Variants in FAM83F observed in about 807,000 individuals in gnomAD.
The protein encoded by FAM83F is protein FAM83F.
Under a neutral mutation model 42.9 loss-of-function variants are expected in FAM83F, and 45 were observed. The observed-to-expected ratio is 1.05, with a 90% CI of 0.83 to 1.35. The LOEUF is 1.35. FAM83F is among the 40% of genes most tolerant of loss of function. The pLI, the probability that FAM83F is intolerant of heterozygous loss-of-function variation, is 0.00. For synonymous variants in FAM83F, 306 were observed against 298.3 expected (o/e 1.03, Z -0.27); for missense variants, 617 against 695.9 (o/e 0.89, Z 1.28).
At chr22:39,998,426 G>A (rs901740450) in intron 1 of FAM83F, among the ~76,000 whole-genome samples, 2 of 151,972 alleles carry the variant, frequency 1.3e-5, no homozygotes, top group Non-Finnish European at 2.9e-5. Flanking sequence ...CGTGGCTGCC[G>A]TGCCTACAGT....
intron 1 of FAM83F, among the ~76,000 whole-genome samples, chr22:40,003,300 C>G (rs190183226): frequency 2.7e-4 from 41 of 152,296 alleles, no homozygotes; most frequent in African/African-American, 8.2e-4. Flanking sequence ...GACTTACGCC[C>G]CTCCCTGACA....
chr22:39,998,239 G>A (rs1238123983), intron 1 of FAM83F, among the ~76,000 whole-genome samples: 1 of 152,190 alleles, frequency 6.6e-6, no homozygotes, highest in Non-Finnish European at 1.5e-5. Flanking sequence ...GACTGAGATG[G>A]TTTACATGCA....
rs534574011 is a variant in FAM83F, at chr22:40,040,152, G to A, written c.*10587G>A. On this transcript the variant is annotated 3_prime_UTR_variant, in exon 5 of 5. Coordinates refer to ENST00000333407, the MANE Select transcript of FAM83F (RefSeq NM_138435.4). ...GTTTATAGGGGGTAAAGAGGATGGG[G>A]CTGAGATACTAAAGACTACGAGGAC... 1.3e-5 allele frequency: 2 copies of A among 152,310 alleles called. No homozygotes were observed. Among genetic ancestry groups the A allele is most frequent in the East Asian group, 1.9e-4 (1 of 5,192 alleles). 9.4% of individuals were successfully genotyped at this position (152,310 alleles called of 1,614,324 possible). A position where few individuals can be genotyped will look rare whatever the true frequency, so the allele number is the denominator to read the frequency against.
At chr22:40,028,281 C>A (rs1170108493) in intron 4 of FAM83F, among the ~76,000 whole-genome samples, 1 of 152,226 alleles carries the variant, frequency 6.6e-6, no homozygotes, top group African/African-American at 2.4e-5. Flanking sequence ...GTGCAGTGGG[C>A]AGGAGCAGCA....
intron 1 of FAM83F, among the ~76,000 whole-genome samples, chr22:40,006,372 A>G (rs1156684134): frequency 6.6e-6 from 1 of 152,202 alleles, no homozygotes; most frequent in African/African-American, 2.4e-5. Flanking sequence ...GTTTAGATCG[A>G]TGGCAGGGCT....
At position 39,995,621 on chromosome 22, in the gene FAM83F, G is replaced by A; in HGVS notation, c.489+90G>A. The A allele has an allele frequency of 7.0e-7, 1 of 1,437,560 alleles. No individual in the cohort carries two copies. Among genetic ancestry groups the A allele is most frequent in the Non-Finnish European group, 9.1e-7 (1 of 1,096,904 alleles). 89.1% of individuals were successfully genotyped at this position (1,437,560 alleles called of 1,614,324 possible). On this transcript the variant is annotated intron_variant, in intron 1 of 4. Coordinates refer to ENST00000333407, the MANE Select transcript of FAM83F (RefSeq NM_138435.4). This position sits in a 1 kb window ranked among gnomAD's most constrained non-coding sequence, Gnocchi z 4.6. The stretch of plus-strand genomic sequence containing the variant: ...ACCTCCCAGGCAGGGCCCGGGGCAG[G>A]CCGCCCTGAGCACCCTCTGGAAAAT...
rs138631319 is a variant in FAM83F at position 40,031,253 on chromosome 22, G to T, written c.*1688G>T. 1.3e-5 allele frequency: 2 copies of T among 151,838 alleles called. No homozygotes were observed. The highest frequency in any genetic ancestry group is 6.6e-5 in the Admixed American group (1 of 15,248). 9.4% of individuals were successfully genotyped at this position (151,838 alleles called of 1,614,324 possible). A position where few individuals can be genotyped will look rare whatever the true frequency, so the allele number is the denominator to read the frequency against. On this transcript the variant is annotated 3_prime_UTR_variant, in exon 5 of 5. Transcript: ENST00000333407. Reference sequence around the variant, plus strand: ...TCTGGAGGGGAGGGAAGGGAGAGAGGGGGGAGGTGGGATGTGGGGGTGTTA... The same window carrying T: ...TCTGGAGGGGAGGGAAGGGAGAGAGTGGGGAGGTGGGATGTGGGGGTGTTA...
rs2146247077 is a variant in FAM83F at position 40,030,226 on chromosome 22, A to G, written c.*661A>G. The G allele has an allele frequency of 6.6e-6, 1 of 152,054 alleles. No individual in the cohort carries two copies. Among genetic ancestry groups the G allele is most frequent in the South Asian group, 2.1e-4 (1 of 4,782 alleles). 9.4% of individuals were successfully genotyped at this position (152,054 alleles called of 1,614,324 possible). Reference sequence around the variant, plus strand: ...CAGAATTTGACACTGCTTTTCTGAGAGCGCTCGCACTGAGGTCTCTTTTTC... The same window carrying G: ...CAGAATTTGACACTGCTTTTCTGAGGGCGCTCGCACTGAGGTCTCTTTTTC... On this transcript the variant is annotated 3_prime_UTR_variant, in exon 5 of 5. Transcript: ENST00000333407.
rs2067640938 is a variant in FAM83F, at chr22:40,039,207, A to T, written c.*9642A>T. On this transcript the variant is annotated 3_prime_UTR_variant, in exon 5 of 5. Coordinates refer to ENST00000333407, the MANE Select transcript of FAM83F (RefSeq NM_138435.4). ...CTGCAACCTCCACCTCCCAGGTTGA[A>T]GCAGTTCTCCTGCCTCAGCCTCCTG... 1 of 152,252 alleles carries T rather than the reference A, an allele frequency of 6.6e-6. No individual in the cohort carries two copies. The highest frequency in any genetic ancestry group is 1.5e-5 in the Non-Finnish European group (1 of 68,130). 9.4% of individuals were successfully genotyped at this position (152,252 alleles called of 1,614,324 possible). A position where few individuals can be genotyped will look rare whatever the true frequency, so the allele number is the denominator to read the frequency against.
intron 1 of FAM83F, among the ~76,000 whole-genome samples, chr22:40,000,241 G>T (rs9623102): frequency 0.018 from 2,751 of 152,238 alleles, 80 homozygotes; most frequent in African/African-American, 0.062. Flanking sequence ...CTCTAAATTG[G>T]GGATATGGGG....
In FAM83F at chr22:40,041,840, T is replaced by G. The variant is rs1384634432; in HGVS notation, c.*12275T>G. 1 of 152,214 alleles carries G rather than the reference T, an allele frequency of 6.6e-6. No individual in the cohort carries two copies. The highest frequency in any genetic ancestry group is 1.9e-4 in the East Asian group (1 of 5,206). 9.4% of individuals were successfully genotyped at this position (152,214 alleles called of 1,614,324 possible). On this transcript the variant is annotated 3_prime_UTR_variant, in exon 5 of 5. Coordinates refer to ENST00000333407, the MANE Select transcript of FAM83F (RefSeq NM_138435.4). ...GTCTGAAATACAGAATATTAAATAT[T>G]GAGTTAATATTATATTTACTCAATG...
At chr22:40,006,768 G>A (rs1248958412) in intron 1 of FAM83F, among the ~76,000 whole-genome samples, 1 of 152,172 alleles carries the variant, frequency 6.6e-6, no homozygotes, top group Non-Finnish European at 1.5e-5. Flanking sequence ...GTCCGGAGCC[G>A]CTGAGTGGGC....
rs939604882 is a variant in FAM83F, at chr22:40,022,057, G to A, written c.1453+94G>A. ...CCAGGAGCACTGCCTCATACCTGCA[G>A]AGGAGTAGATTCCATCTGTGGGCAC... On this transcript the variant is annotated intron_variant, in intron 4 of 4. Transcript: ENST00000333407. 2.4e-5 allele frequency: 27 copies of A among 1,123,930 alleles called. No individual in the cohort carries two copies. The African/African-American group carries it at 4.1e-4, about 17-fold the overall frequency. The allele number at this position is 1,123,930 out of a possible 1,614,324, so 69.6% of individuals were successfully genotyped here. A position where few individuals can be genotyped will look rare whatever the true frequency, so the allele number is the denominator to read the frequency against.
At position 40,039,771 on chromosome 22, in the gene FAM83F, T is replaced by A. The variant is rs1321425570; in HGVS notation, c.*10206T>A. The stretch of plus-strand genomic sequence containing the variant: ...TAGAGGTAGGAGGAAAGCTGGCTAT[T>A]TGGGGAAGCAAAGAAAAGATTCTCA... On this transcript the variant is annotated 3_prime_UTR_variant, in exon 5 of 5. Coordinates refer to ENST00000333407, the MANE Select transcript of FAM83F (RefSeq NM_138435.4). The A allele has an allele frequency of 6.6e-6, 1 of 152,214 alleles. No homozygotes were observed. Among genetic ancestry groups the A allele is most frequent in the Non-Finnish European group, 1.5e-5 (1 of 68,046 alleles). 9.4% of individuals were successfully genotyped at this position (152,214 alleles called of 1,614,324 possible).
At chr22:40,029,080 CGTGTGTGT>C (rs55770640) in intron 4 of FAM83F, among the ~76,000 whole-genome samples, 25,495 of 130,340 alleles carry the variant, frequency 0.2, 2,566 homozygotes, top group Non-Finnish European at 0.24. Context: ...CTTGGCTAGA[CGTGTGTGT>C]GTGTGTGTGT....
Position 40,034,697 on chromosome 22 carries a change from C to T in FAM83F, c.*5132C>T, listed in dbSNP as rs1031035033. ...GTTAAATGATTGAAGACTTGACTGC[C>T]ATTCAGTACAGAGAATTAGCCAGGT... is the stretch of plus-strand genomic sequence containing the variant. On this transcript the variant is annotated 3_prime_UTR_variant, in exon 5 of 5. Coordinates refer to ENST00000333407, the MANE Select transcript of FAM83F (RefSeq NM_138435.4). The T allele has an allele frequency of 6.6e-6, 1 of 152,218 alleles. No homozygotes were observed. Among genetic ancestry groups the T allele is most frequent in the Non-Finnish European group, 1.5e-5 (1 of 68,038 alleles). 9.4% of individuals were successfully genotyped at this position (152,218 alleles called of 1,614,324 possible).
At position 40,031,473 on chromosome 22, in the gene FAM83F, C is replaced by A. The variant is rs1346959001; in HGVS notation, c.*1908C>A. 2 of 152,244 alleles carry A rather than the reference C, an allele frequency of 1.3e-5. No homozygotes were observed. The highest frequency in any genetic ancestry group is 2.9e-5 in the Non-Finnish European group (2 of 68,068). The allele number at this position is 152,244 out of a possible 1,614,324, so 9.4% of individuals were successfully genotyped here. ...TCCCCTGCCAGAAGAGCAGGCCCTG[C>A]TTTGTCCCTTTACCTCCTCTAGGCC... On this transcript the variant is annotated 3_prime_UTR_variant, in exon 5 of 5. Coordinates refer to ENST00000333407, the MANE Select transcript of FAM83F (RefSeq NM_138435.4).
chr22:40,003,085 G>T (rs9619838), intron 1 of FAM83F, among the ~76,000 whole-genome samples: 1 of 152,116 alleles, frequency 6.6e-6, no homozygotes, highest in Admixed American at 6.5e-5. Flanking sequence ...TCTGTATGTC[G>T]CCAGCCAGGC....
At chr22:40,026,795 G>A (rs1199336819) in intron 4 of FAM83F, among the ~76,000 whole-genome samples, 1 of 152,146 alleles carries the variant, frequency 6.6e-6, no homozygotes, top group Non-Finnish European at 1.5e-5. Context: ...TGGCAGTGTG[G>A]TCTGGCTCTG....
Sources: allele counts gnomAD v4.1 joint callset (sites outside exome capture counted in the v4.1 genomes callset), GRCh38; gene constraint gnomAD v4.1.1; non-coding constraint Gnocchi (gnomAD v3.1); transcripts MANE v1.5; gene names NCBI Gene and HGNC (gene_info 2026-07-23, HGNC 2026-07-21).